The following RUNX1T1 variants were observed in gnomAD, a reference collection of about 807,000 sequenced individuals.
The protein encoded by RUNX1T1 is protein CBFA2T1.
A neutral mutation model predicts 62.8 loss-of-function variants in RUNX1T1; 4 were observed. The observed-to-expected ratio is 0.06, with a 90% CI of 0.03 to 0.15. The LOEUF is 0.15. RUNX1T1 is among the 10% of genes least tolerant of loss of function. The pLI is 1.00. For missense variants in RUNX1T1, 508 were observed against 754.3 expected (o/e 0.67, Z 3.82); for synonymous variants, 291 against 286.0 (o/e 1.02, Z -0.18).
intron 4 of RUNX1T1, chr8:92,006,880 C>G (rs962770909): frequency 1.3e-5 from 2 of 151,934 alleles, no homozygotes; most frequent in African/African-American, 2.4e-5. Flanking sequence ...ATCAAGAAAC[C>G]ATCTCATAAT....
At chr8:91,959,830 T>G (rs1810059717) in exon 11 of RUNX1T1, 1 of 281,798 alleles carries the variant, frequency 3.5e-6, no homozygotes, top group Admixed American at 4.7e-5. Flanking sequence ...TAAAGAACAT[T>G]GTGACTTTTA....
chr8:92,020,827 T>A (rs1195514123), intron 1 of RUNX1T1, among the ~76,000 whole-genome samples: 1 of 141,628 alleles, frequency 7.1e-6, no homozygotes, highest in Non-Finnish European at 1.6e-5. Flanking sequence ...CCCATTTCCT[T>A]TTTTTTTTTT....
chr8:91,957,504 T>A (rs1217667341), downstream of RUNX1T1: 3 of 232,052 alleles, frequency 1.3e-5, no homozygotes, highest in Admixed American at 1.1e-4. Flanking sequence ...GTTAGGGATT[T>A]TTTTTTGTAT....
intron 1 of RUNX1T1, among the ~76,000 whole-genome samples, chr8:92,091,961 TTTTGAG>T (rs1356223169): frequency 4.6e-5 from 7 of 152,330 alleles, no homozygotes; most frequent in African/African-American, 7.2e-5. Flanking sequence ...TCCTGAAATA[TTTTGAG>T]TTTATCTGTG....
At chr8:92,010,712 A>C (rs929463485) in intron 4 of RUNX1T1, 1 of 235,542 alleles carries the variant, frequency 4.2e-6, no homozygotes, top group African/African-American at 2.3e-5. Flanking sequence ...TCTAAAGACA[A>C]GCAAAATGTA....
intron 1 of RUNX1T1, among the ~76,000 whole-genome samples, chr8:92,079,076 C>G (rs1834854133): frequency 6.6e-6 from 1 of 152,158 alleles, no homozygotes; most frequent in Non-Finnish European, 1.5e-5. Context: ...CTTTCACTGC[C>G]TAAACACATT....
chr8:92,083,840 G>A (rs1290950961), intron 1 of RUNX1T1, among the ~76,000 whole-genome samples: 1 of 152,144 alleles, frequency 6.6e-6, no homozygotes, highest in African/African-American at 2.4e-5. Context: ...CAAAGACTTG[G>A]AACCAACCCA....
rs1045224282 is a variant in RUNX1T1 at position 92,099,166 on chromosome 8, G to A, written c.-86+414C>T. On this transcript the variant is annotated intron_variant, in intron 1 of 11. Coordinates refer to the RUNX1T1 transcript ENST00000265814. ...AGGCAAACATAATTTAACAAGTTGG[G>A]GGAGACAACATTTTTCTTGAATTTA... Among the ~76,000 whole-genome samples the A allele has an allele frequency of 9.1e-4, 138 of 152,024 alleles. 4 individuals are homozygous for A. The highest frequency in any genetic ancestry group is 2.6e-4 in the Non-Finnish European group (18 of 68,004).
intron 1 of RUNX1T1, among the ~76,000 whole-genome samples, chr8:92,026,978 T>C (rs1448037538): frequency 1.6e-4 from 24 of 150,254 alleles, no homozygotes; most frequent in African/African-American, 5.1e-4. Flanking sequence ...TAGCCGGGCA[T>C]GGTGGCGCGC....
intron 5 of RUNX1T1, among the ~76,000 whole-genome samples, chr8:91,999,957 T>A (rs1715728708): frequency 1.3e-5 from 2 of 152,132 alleles, no homozygotes; most frequent in Admixed American, 1.3e-4. Context: ...AAGTTGAAGC[T>A]GGAATGTGGA....
chr8:91,959,751 G>A (rs1810044657), exon 11 of RUNX1T1: 3 of 230,632 alleles, frequency 1.3e-5, no homozygotes, highest in Non-Finnish European at 1.7e-5. Flanking sequence ...TTGTTAAAAT[G>A]TCTACTGCTG....
chr8:91,965,307 T>C, intron 10 of RUNX1T1, among the ~76,000 whole-genome samples: 1 of 152,210 alleles, frequency 6.6e-6, no homozygotes, highest in East Asian at 1.9e-4. Context: ...CATTGCTGAT[T>C]ACTTCCCCGT....
At chr8:92,099,475 T>C (rs984662550) in intron 1 of RUNX1T1, 1 of 201,350 alleles carries the variant, frequency 5.0e-6, no homozygotes, top group Non-Finnish European at 8.9e-6. Context: ...CAATAAAGTC[T>C]GTGGATCACT....
chr8:92,075,863 G>GA, intron 2 of RUNX1T1, 102 bp downstream of exon 2: 1 of 1,136,138 alleles, frequency 8.8e-7, no homozygotes, highest in Non-Finnish European at 1.2e-6. Flanking sequence ...GAAGAAGGAA[G>GA]AAAAAAGAAA....
At chr8:92,044,086 A>G (rs1828965450) in intron 1 of RUNX1T1, among the ~76,000 whole-genome samples, 1 of 152,122 alleles carries the variant, frequency 6.6e-6, no homozygotes, top group Non-Finnish European at 1.5e-5. Flanking sequence ...AACAGGAGTC[A>G]GGGGAACAGC....
intron 10 of RUNX1T1, among the ~76,000 whole-genome samples, chr8:91,966,513 C>A (rs1319629431): frequency 1.3e-5 from 2 of 152,172 alleles, no homozygotes; most frequent in Non-Finnish European, 2.9e-5. Flanking sequence ...TTTCTTGCTT[C>A]AATCACCTAA....
At chr8:91,971,127 G>A (rs1463786187) in intron 9 of RUNX1T1, 1 of 331,958 alleles carries the variant, frequency 3.0e-6, no homozygotes, top group Non-Finnish European at 5.4e-6. Context: ...CTAAAAACTA[G>A]CAGATCTTTT....
chr8:92,095,257 G>C (rs556327895), intron 1 of RUNX1T1: 1 of 1,522,268 alleles, frequency 6.6e-7, no homozygotes, highest in Admixed American at 2.0e-5. Context: ...GAGAGAGGGA[G>C]AGAGAAAAGC....
intron 1 of RUNX1T1, among the ~76,000 whole-genome samples, chr8:92,088,600 G>A (rs1836500928): frequency 6.6e-6 from 1 of 152,180 alleles, no homozygotes; most frequent in African/African-American, 2.4e-5. Context: ...TTATAGATCT[G>A]CTTTCCTAAT....
Sources: allele counts gnomAD v4.1 joint callset (sites outside exome capture counted in the v4.1 genomes callset), GRCh38; gene constraint gnomAD v4.1.1; transcripts MANE v1.5; gene names NCBI Gene and HGNC (gene_info 2026-07-23, HGNC 2026-07-21).